Variants in UPP2 observed in about 807,000 individuals in gnomAD.
UPP2 encodes uridine phosphorylase 2.
A neutral mutation model predicts 26.7 loss-of-function variants in UPP2; 23 were observed. The observed-to-expected ratio is 0.86, with a 90% confidence interval of 0.62 to 1.22. The LOEUF (loss-of-function observed/expected upper bound fraction) is 1.22. Among genes scored for constraint, UPP2 ranks in the 50% most tolerant of loss-of-function variants. The pLI is 0.00. For synonymous variants in UPP2, 127 were observed against 141.3 expected (o/e 0.90, Z 0.72); for missense variants, 387 against 396.7 (o/e 0.98, Z 0.21).
intron 4 of UPP2, among the ~76,000 whole-genome samples, chr2:158,120,022 A>T (rs1247535761): frequency 6.8e-6 from 1 of 147,706 alleles, no homozygotes; most frequent in Non-Finnish European, 1.5e-5. Flanking sequence ...AAAAAAAAAA[A>T]TAAAAATAAA....
chr2:158,092,833 A>G (rs1474331095), intron 3 of UPP2, among the ~76,000 whole-genome samples: 1 of 152,216 alleles, frequency 6.6e-6, no homozygotes, highest in African/African-American at 2.4e-5. Context: ...GAATTGTATT[A>G]AGTATGCTTG....
chr2:158,104,146 C>T (rs1478192306), intron 1 of UPP2, among the ~76,000 whole-genome samples: 2 of 152,142 alleles, frequency 1.3e-5, no homozygotes, highest in African/African-American at 4.8e-5. Flanking sequence ...GATTCGCAGT[C>T]TTTCTAGAGG....
intron 3 of UPP2, among the ~76,000 whole-genome samples, chr2:158,043,975 G>T (rs950473805): frequency 2.0e-5 from 3 of 152,202 alleles, no homozygotes; most frequent in Non-Finnish European, 4.4e-5. Flanking sequence ...CAGGGGTGGA[G>T]TGCAGATCAA....
At chr2:158,105,902 A>G (rs36024954) in intron 1 of UPP2, among the ~76,000 whole-genome samples, 197 bp from the exon 2 acceptor site, 7,781 of 152,296 alleles carry the variant, frequency 0.051, 320 homozygotes, top group East Asian at 0.14. Context: ...TGTTATATGC[A>G]GTTTTCTTGC....
rs772091978 is a variant in UPP2, at chr2:158,030,050, C to A, written c.147+14164C>A. 2.6e-5 allele frequency among the ~76,000 whole-genome samples: 4 copies of A among 152,216 alleles called. No homozygotes were observed. In the East Asian group the frequency reaches 7.7e-4, roughly 29 times the overall value. ...CAACTTATAGAATGAATGGGAACCC[C>A]TACTGTTAGGAAAGTTTATGGTTTG... On this transcript the variant is annotated intron_variant, in intron 3 of 9. Coordinates refer to the UPP2 transcript ENST00000605860.
chr2:158,019,133 C>A (rs1470604884), intron 3 of UPP2, among the ~76,000 whole-genome samples: 1 of 152,136 alleles, frequency 6.6e-6, no homozygotes, highest in East Asian at 1.9e-4. Flanking sequence ...ATCAAGATTG[C>A]TTTGATCTAA....
intron 3 of UPP2, among the ~76,000 whole-genome samples, chr2:158,038,903 C>T (rs563230136): frequency 1.0e-3 from 153 of 152,280 alleles, no homozygotes; most frequent in Non-Finnish European, 1.7e-3. Context: ...TAGGTTCCAT[C>T]GGGGCATCCA....
At position 158,075,585 on chromosome 2, in the gene UPP2, G is replaced by A. The variant is rs912983798; in HGVS notation, c.148-26455G>A. Among the ~76,000 whole-genome samples, 11 of 151,982 alleles carry A rather than the reference G, an allele frequency of 7.2e-5. No homozygotes were observed. In the East Asian group the frequency reaches 2.1e-3, roughly 29 times the overall value. Reference sequence around the variant, plus strand: ...GAATTTAAACAATATGCTCCTGAATGACCATTGGGTCAATGAAGAAATTAG... The same window carrying A: ...GAATTTAAACAATATGCTCCTGAATAACCATTGGGTCAATGAAGAAATTAG... On this transcript the variant is annotated intron_variant, in intron 3 of 9. Coordinates refer to the UPP2 transcript ENST00000605860.
Position 158,117,842 on chromosome 2 carries a change from T to A in UPP2, c.358T>A (p.Ser120Thr), listed in dbSNP as rs1373695665. The change falls in exon 4 of 7, where the codon TCC becomes ACC. Residue 120 changes from serine to threonine, a missense_variant. Physicochemically the swap from Ser to Thr is moderately conservative, Grantham distance 58. Transcript: ENST00000005756. ...LAISHGMGIP[S>T]ISIMLHELIK... The stretch of plus-strand genomic sequence containing the variant: ...TCAATAGCACGGCATGGGCATCCCC[T>A]CCATTTCTATTATGCTTCATGAACT... The A allele has an allele frequency of 1.2e-6, 2 of 1,612,162 alleles. No homozygotes were observed. Among genetic ancestry groups the A allele is most frequent in the Non-Finnish European group, 1.7e-6 (2 of 1,178,242 alleles).
intron 3 of UPP2, among the ~76,000 whole-genome samples, chr2:158,046,270 A>C (rs1684151552): frequency 6.6e-6 from 1 of 152,234 alleles, no homozygotes; most frequent in East Asian, 1.9e-4. Flanking sequence ...CCTCATCGCC[A>C]GAGTGTATGT....
intron 2 of UPP2, among the ~76,000 whole-genome samples, chr2:158,107,567 C>T (rs10192781): frequency 0.42 from 63,218 of 151,642 alleles, 15,287 homozygotes; most frequent in Non-Finnish European, 0.54. Context: ...CTTTCACTTA[C>T]CCAGTGGGTC....
At chr2:158,074,606 A>T (rs770166165) in intron 3 of UPP2, among the ~76,000 whole-genome samples, 11 of 151,832 alleles carry the variant, frequency 7.2e-5, no homozygotes, top group Non-Finnish European at 1.5e-4. Flanking sequence ...AATAAAAAGC[A>T]AGTAATTAAA....
chr2:158,002,022 T>C (rs1683416726), intron 2 of UPP2, among the ~76,000 whole-genome samples: 1 of 142,132 alleles, frequency 7.0e-6, no homozygotes, highest in South Asian at 2.3e-4. Flanking sequence ...AAGAAGGTAC[T>C]CATATGGAAG....
At chr2:158,050,568 C>T (rs578046895) in intron 3 of UPP2, among the ~76,000 whole-genome samples, 2 of 151,906 alleles carry the variant, frequency 1.3e-5, no homozygotes, top group South Asian at 2.1e-4. Flanking sequence ...GAGGCTGAGG[C>T]GGGAAGATCC....
chr2:158,103,510 G>T (rs1408813824), intron 1 of UPP2, among the ~76,000 whole-genome samples: 3 of 152,132 alleles, frequency 2.0e-5, no homozygotes, highest in Non-Finnish European at 4.4e-5. Flanking sequence ...TGGTGGTTCT[G>T]ATATGTAGCT....
intron 3 of UPP2, among the ~76,000 whole-genome samples, chr2:158,022,244 C>T (rs1014629518): frequency 1.1e-4 from 16 of 151,804 alleles, no homozygotes; most frequent in South Asian, 2.1e-4. Flanking sequence ...CGAATCACGA[C>T]GTCAGGAGTT....
Position 158,011,616 on chromosome 2 carries a change from A to G in UPP2, c.62-4185A>G, listed in dbSNP as rs565860152. The stretch of plus-strand genomic sequence containing the variant: ...TGAAGGGAACCAATCACTGTGGAGG[A>G]GGATGTAGGGTCATGTGAAAAGATC... On this transcript the variant is annotated intron_variant, in intron 2 of 9. Coordinates refer to the UPP2 transcript ENST00000605860. Among the ~76,000 whole-genome samples, 14 of 141,624 alleles carry G rather than the reference A, an allele frequency of 9.9e-5. No individual in the cohort carries two copies. In the South Asian group the frequency reaches 3.6e-3, roughly 37 times the overall value. 92.9% of individuals were successfully genotyped at this position (141,624 alleles called of 152,430 possible). A position where few individuals can be genotyped will look rare whatever the true frequency, so the allele number is the denominator to read the frequency against.
chr2:158,090,303 C>T (rs975200865), intron 3 of UPP2, among the ~76,000 whole-genome samples: 35 of 152,226 alleles, frequency 2.3e-4, no homozygotes, highest in South Asian at 4.2e-4. Context: ...GGATCTAGAC[C>T]ATCCTGGCTA....
chr2:158,009,436 C>T (rs1490668538), intron 2 of UPP2, among the ~76,000 whole-genome samples: 1 of 152,140 alleles, frequency 6.6e-6, no homozygotes, highest in Non-Finnish European at 1.5e-5. Flanking sequence ...CCAGAATAAC[C>T]AGAGCCAAAC....
Sources: allele counts gnomAD v4.1 joint callset (sites outside exome capture counted in the v4.1 genomes callset), GRCh38; gene constraint gnomAD v4.1.1; transcripts MANE v1.5; gene names NCBI Gene and HGNC (gene_info 2026-07-23, HGNC 2026-07-21).